TANC1: variants seen among roughly 807,000 people sequenced by gnomAD.
The protein encoded by TANC1 is tetratricopeptide repeat, ankyrin repeat and coiled-coil containing 1.
TANC1 carries 77 observed loss-of-function variants against 149.7 expected under a neutral mutation model. The ratio of observed to expected loss-of-function variants is 0.51; its 90% CI spans 0.43 to 0.62. The LOEUF is 0.62. Ranked by LOEUF, TANC1 falls within the 20% of genes least tolerant of loss-of-function variation. The pLI is 0.00. For synonymous variants in TANC1, 854 were observed against 925.0 expected, an observed-to-expected ratio of 0.92 and a Z score of 1.39; for missense variants, 1,985 against 2,321.8, an observed-to-expected ratio of 0.85 and a Z score of 2.98.
chr2:159,135,223 C>T (rs889931174), intron 4 of TANC1, among the ~76,000 whole-genome samples: 1 of 152,226 alleles, frequency 6.6e-6, no homozygotes, highest in Non-Finnish European at 1.5e-5. Flanking sequence ...TGGCTTCTTT[C>T]ACTTAGCAGA....
intron 19 of TANC1, among the ~76,000 whole-genome samples, chr2:159,204,059 CA>C (rs1414157181): frequency 6.6e-6 from 1 of 152,200 alleles, no homozygotes; most frequent in South Asian, 2.1e-4. Context: ...GTGACTTGTG[CA>C]ACTGAGGAAC....
At chr2:159,071,423 T>C (rs1332891450) in intron 3 of TANC1, among the ~76,000 whole-genome samples, 6 of 152,232 alleles carry the variant, frequency 3.9e-5, no homozygotes, top group Non-Finnish European at 7.3e-5. Context: ...TTTACCTTTC[T>C]CTCATTAAAA....
chr2:158,984,652 T>C (rs1258926263), intron 1 of TANC1, among the ~76,000 whole-genome samples: 1 of 151,090 alleles, frequency 6.6e-6, no homozygotes, highest in African/African-American at 2.4e-5. Context: ...CACTGCAAGG[T>C]GTTAGGGAGT....
intron 7 of TANC1, among the ~76,000 whole-genome samples, chr2:159,157,215 T>C (rs2053533188): frequency 6.6e-6 from 1 of 152,138 alleles, no homozygotes; most frequent in Non-Finnish European, 1.5e-5. Flanking sequence ...GGACATTCTG[T>C]TGGCATTCCA....
At chr2:159,102,307 T>C (rs1370155838) in intron 4 of TANC1, among the ~76,000 whole-genome samples, 1 of 152,074 alleles carries the variant, frequency 6.6e-6, no homozygotes, top group Non-Finnish European at 1.5e-5. Context: ...TGAGACAAGG[T>C]CTTGCTGTGT....
At chr2:159,120,255 A>T (rs1486328375) in intron 4 of TANC1, among the ~76,000 whole-genome samples, 1 of 152,186 alleles carries the variant, frequency 6.6e-6, no homozygotes, top group East Asian at 1.9e-4. Context: ...AGGTTCTAGA[A>T]TTCAGAGGGT....
At chr2:159,099,813 C>A (rs141866278) in intron 4 of TANC1, among the ~76,000 whole-genome samples, 7 of 152,196 alleles carry the variant, frequency 4.6e-5, no homozygotes, top group Non-Finnish European at 8.8e-5. Context: ...CTACCCTGTT[C>A]CTTGGCTATA....
At chr2:159,219,555 C>T in intron 21 of TANC1, 137 bp from the exon 22 acceptor site, 2 of 1,292,468 alleles carry the variant, frequency 1.5e-6, no homozygotes, top group Non-Finnish European at 2.2e-6. Context: ...TCTGCCAGCC[C>T]ATCCGGCCAG....
chr2:159,228,957 G>T, intron 26 of TANC1, 61 bp downstream of exon 26: 1 of 1,354,748 alleles, frequency 7.4e-7, no homozygotes, highest in South Asian at 1.2e-5. Context: ...AAACCTGCCT[G>T]TTGAATTTGG....
intron 2 of TANC1, among the ~76,000 whole-genome samples, chr2:159,031,130 A>C (rs527435317): frequency 6.6e-6 from 1 of 152,216 alleles, no homozygotes; most frequent in Non-Finnish European, 1.5e-5. Context: ...CTAGAGGGTG[A>C]TTTAGGCCTG....
At chr2:158,986,676 T>G (rs1048568166) in intron 1 of TANC1, among the ~76,000 whole-genome samples, 1 of 152,324 alleles carries the variant, frequency 6.6e-6, no homozygotes, top group South Asian at 2.1e-4. Flanking sequence ...CTAGGCTGTC[T>G]TGTAATTTCA....
intron 1 of TANC1, among the ~76,000 whole-genome samples, chr2:158,969,259 T>C (rs1039722617): frequency 6.6e-6 from 1 of 151,876 alleles, no homozygotes; most frequent in Non-Finnish European, 1.5e-5. Flanking sequence ...CACCGCGGGG[T>C]CCTGGGCGCC....
intron 1 of TANC1, among the ~76,000 whole-genome samples, chr2:158,996,047 A>G (rs990960814): frequency 3.3e-5 from 5 of 152,250 alleles, no homozygotes; most frequent in Non-Finnish European, 5.9e-5. Context: ...AAATGAAAAA[A>G]GTAATTTAAA....
chr2:159,134,344 G>A (rs761690969), intron 4 of TANC1, among the ~76,000 whole-genome samples: 17 of 152,242 alleles, frequency 1.1e-4, no homozygotes, highest in Admixed American at 3.9e-4. Flanking sequence ...TCACCCTGTC[G>A]CCCAGGCTAG....
chr2:159,193,272 C>T (rs1377404533), intron 16 of TANC1, among the ~76,000 whole-genome samples: 5 of 152,188 alleles, frequency 3.3e-5, no homozygotes, highest in Non-Finnish European at 5.9e-5. Flanking sequence ...CCGAGGTTTA[C>T]CCATGTTGTC....
intron 1 of TANC1, among the ~76,000 whole-genome samples, chr2:158,974,996 C>T (rs1280891152): frequency 1.3e-5 from 2 of 149,034 alleles, no homozygotes; most frequent in African/African-American, 5.0e-5. Flanking sequence ...AGTGATCCTC[C>T]TGCCTTGGCC....
In TANC1 at chr2:159,170,655, A is replaced by C. The variant is rs748331543; in HGVS notation, c.1201A>C (p.Asn401His). Residue 401 changes from asparagine (N) to histidine (H), a missense_variant, in exon 10 of 27, where the codon AAC becomes CAC. Around this residue, in one of 3 missense-constraint regions of TANC1, gnomAD observed 557 missense variants for 612.9 expected, o/e 0.91. Transcript: ENST00000263635. The stretch of plus-strand genomic sequence containing the variant: ...TCACCAGATAGAAGAAAACTTGAGG[A>C]ACACAGAACTGGCAGAAAACAGAGG... ...LFHQIEENLRNTELAENRGAV... is the reference protein window; with the variant it reads ...LFHQIEENLRHTELAENRGAV... 21 of 1,614,050 alleles carry C rather than the reference A, an allele frequency of 1.3e-5. No homozygotes were observed. The highest frequency in any genetic ancestry group is 1.7e-5 in the Non-Finnish European group (20 of 1,180,046).
chr2:159,187,103 C>A, intron 16 of TANC1, 79 bp downstream of exon 16: 1 of 1,555,608 alleles, frequency 6.4e-7, no homozygotes, highest in South Asian at 1.2e-5. Context: ...CCCTGTTTCC[C>A]TCTGCCCTGG....
In TANC1 at chr2:159,150,450, C is replaced by T. The variant is rs772229551; in HGVS notation, c.576C>T (p.Cys192=). The change falls in exon 7 of 27, where the codon TGC becomes TGT. Residue 192 remains cysteine, a synonymous_variant. Transcript: ENST00000263635. ...STASPSTDSP[C]STLNSCVSKT... ...CATCTCCTAGCACCGATAGCCCCTGCTCAACCTTGAATAGCTGTGTCAGCA... is the reference window on the plus strand; with the variant it reads ...CATCTCCTAGCACCGATAGCCCCTGTTCAACCTTGAATAGCTGTGTCAGCA... 1.1e-5 allele frequency: 17 copies of T among 1,614,056 alleles called. No individual in the cohort carries two copies. The highest frequency in any genetic ancestry group is 2.7e-5 in the African/African-American group (2 of 74,930).
Sources: gnomAD v4.1 joint callset for allele counts (sites outside exome capture counted in the v4.1 genomes callset) on GRCh38, gnomAD v4.1.1 for gene constraint, gnomAD v4.1.1 regional missense constraint, MANE v1.5 for transcripts, NCBI Gene and HGNC (gene_info 2026-07-23, HGNC 2026-07-21) for gene names.